The following GNAI2 variants were observed in gnomAD, a reference collection of about 807,000 sequenced individuals.
GNAI2 encodes the protein G protein subunit alpha i2.
In GNAI2, 4 loss-of-function variants were observed where a neutral mutation model predicts 36.8. The ratio of observed to expected loss-of-function variants is 0.11; its 90% CI spans 0.05 to 0.25. The LOEUF (loss-of-function observed/expected upper bound fraction) is 0.25. GNAI2 is among the 10% of genes least tolerant of loss of function. The pLI is 1.00. For synonymous variants in GNAI2, 194 were observed against 194.1 expected, an observed-to-expected ratio of 1.00 and a Z score of 0.01; for missense variants, 230 against 481.3, an observed-to-expected ratio of 0.48 and a Z score of 4.89.
rs1700179647 is a variant in GNAI2, at chr3:50,236,720, G to T, written c.118+267G>T. ...ACACCCGCGGTCCAGTGCCCTGCTT[G>T]GCCATCCCCCCTTGCTAACTAGCTT... On this transcript the variant is annotated intron_variant, in intron 1 of 8. Transcript: ENST00000313601. This position sits in a 1 kb window ranked among gnomAD's most constrained non-coding sequence, Gnocchi z 4.0. Among the ~76,000 whole-genome samples the T allele has an allele frequency of 6.6e-6, 1 of 151,872 alleles. No individual in the cohort carries two copies. The highest frequency in any genetic ancestry group is 1.5e-5 in the Non-Finnish European group (1 of 67,992).
intron 1 of GNAI2, among the ~76,000 whole-genome samples, chr3:50,251,094 A>G (rs1700547023): frequency 6.6e-6 from 1 of 152,108 alleles, no homozygotes; most frequent in Admixed American, 6.6e-5. Flanking sequence ...TACAGGCATG[A>G]GCCACCACTC....
rs2109223624 is a variant in GNAI2, at chr3:50,258,429, C to T, written c.*86C>T. 1 of 157,190 alleles carries T rather than the reference C, an allele frequency of 6.4e-6. No individual in the cohort carries two copies. Among genetic ancestry groups the T allele is most frequent in the African/African-American group, 2.4e-5 (1 of 41,560 alleles). The allele number at this position is 157,190 out of a possible 1,614,324, so 9.7% of individuals were successfully genotyped here. On this transcript the variant is annotated 3_prime_UTR_variant, in exon 9 of 9. Coordinates refer to ENST00000313601, the MANE Select transcript of GNAI2 (RefSeq NM_002070.4). ...AAGATGGGGGCAAGAAGATCACGCT[C>T]CCCGCCTGTTCCCCCGCCGCTTTTC...
Position 50,242,376 on chromosome 3 carries a change from C to G in GNAI2, c.118+5923C>G, listed in dbSNP as rs143285826. ...CAGGAATCCCAGCCTAGGAGTTGAG[C>G]GAGGAGGGGAAGGGGTCAGCAGGTT... On this transcript the variant is annotated intron_variant, in intron 1 of 8. Coordinates refer to ENST00000313601, the MANE Select transcript of GNAI2 (RefSeq NM_002070.4). This position sits in a 1 kb window ranked among gnomAD's most constrained non-coding sequence, Gnocchi z 4.8. Among the ~76,000 whole-genome samples, 1 of 152,248 alleles carries G rather than the reference C, an allele frequency of 6.6e-6. No homozygotes were observed. Among genetic ancestry groups the G allele is most frequent in the East Asian group, 1.9e-4 (1 of 5,174 alleles).
chr3:50,236,700 C>A lies in GNAI2; in HGVS notation c.118+247C>A, dbSNP rs587614626. Among the ~76,000 whole-genome samples the A allele has an allele frequency of 6.6e-6, 1 of 152,038 alleles. No individual in the cohort carries two copies. Among genetic ancestry groups the A allele is most frequent in the Non-Finnish European group, 1.5e-5 (1 of 68,016 alleles). On this transcript the variant is annotated intron_variant, in intron 1 of 8. Transcript: ENST00000313601. The surrounding 1 kb of genome is among the most constrained non-coding windows in gnomAD (Gnocchi z 4.0). ...ATCCAGTCAACAGTGCCCCAACACC[C>A]GCGGTCCAGTGCCCTGCTTGGCCAT...
chr3:50,237,874 GGCTGTGAAAAGCAGGGCTTTTCGT>G (rs1700215274), intron 1 of GNAI2, among the ~76,000 whole-genome samples: 1 of 152,244 alleles, frequency 6.6e-6, no homozygotes, highest in South Asian at 2.1e-4. Context: ...AGGGCTCCCA[GGCTGTGAAAAGCAGGGCTTTTCGT>G]GCTGGACCTG....
chr3:50,257,744 G>A (rs1700741137), intron 8 of GNAI2, 30 bp downstream of exon 8: 1 of 1,336,920 alleles, frequency 7.5e-7, no homozygotes, highest in Admixed American at 2.4e-5. Context: ...GCAGGGTGCT[G>A]GGGAAGAACT....
intron 5 of GNAI2, 163 bp from the exon 6 acceptor site, chr3:50,256,560 T>G (rs1700708502): frequency 5.0e-6 from 4 of 795,940 alleles, no homozygotes; most frequent in Non-Finnish European, 8.2e-6. Context: ...CTGTCCAAGC[T>G]CCTGGCCCAG....
At chr3:50,249,926 G>T (rs2109205383) in intron 1 of GNAI2, among the ~76,000 whole-genome samples, 1 of 152,322 alleles carries the variant, frequency 6.6e-6, no homozygotes, top group Non-Finnish European at 1.5e-5. Flanking sequence ...CGCTTGTTGA[G>T]CACTGCAGAC....
chr3:50,258,891 AGT>A lies in GNAI2; in HGVS notation c.*549_*550del. 1 of 439,994 alleles carries A rather than the reference AGT, an allele frequency of 2.3e-6. No homozygotes were observed. Among genetic ancestry groups the A allele is most frequent in the East Asian group, 8.0e-5 (1 of 12,528 alleles). 27.3% of individuals were successfully genotyped at this position (439,994 alleles called of 1,614,324 possible). On this transcript the variant is annotated 3_prime_UTR_variant, in exon 9 of 9. Transcript: ENST00000313601. Reference sequence around the variant, plus strand: ...TCTCGTAGCTTTTTAAAAAAATGAAAGTAAAGGAAAAAAAAAAAACTGCAAAT... The same window carrying A: ...TCTCGTAGCTTTTTAAAAAAATGAAAAAAGGAAAAAAAAAAAACTGCAAAT...
chr3:50,235,436 C>G (rs2109177926), upstream of GNAI2: 1 of 152,302 alleles, frequency 6.6e-6, no homozygotes, highest in Middle Eastern at 3.4e-3. Flanking sequence ...TCTCCCGCCT[C>G]AGCCTCCTGA....
rs782584118 is a variant in GNAI2 at position 50,252,480 on chromosome 3, T to G, written c.245T>G (p.Met82Arg). ...TACAGCAACACCATCCAGTCCATCA[T>G]GGCCATTGTCAAAGCCATGGGCAAC... ...VVYSNTIQSI[M>R]AIVKAMGNLQ... is the part of the protein sequence containing the mutation. Residue 82 changes from methionine to arginine, a missense_variant, in exon 3 of 9, where the codon ATG becomes AGG. Coordinates refer to ENST00000313601, the MANE Select transcript of GNAI2 (RefSeq NM_002070.4). This position sits in a 1 kb window ranked among gnomAD's most constrained non-coding sequence, Gnocchi z 4.1. 1 of 1,613,740 alleles carries G rather than the reference T, an allele frequency of 6.2e-7. No homozygotes were observed.
At chr3:50,258,282 T>C (rs1219635360) in intron 8 of GNAI2, 86 bp from the exon 9 acceptor site, 1 of 152,346 alleles carries the variant, frequency 6.6e-6, no homozygotes, top group African/African-American at 2.4e-5. Flanking sequence ...GTAGGAAAAA[T>C]AGAGAAGGGT....
rs1258229683 is a variant in GNAI2 at position 50,242,812 on chromosome 3, A to G, written c.118+6359A>G. ...TGGGGTCATCTCAGCCTTGTTGGGG[A>G]GAAGATATCCTTATGGCTTGGAGGA... On this transcript the variant is annotated intron_variant, in intron 1 of 8. Coordinates refer to ENST00000313601, the MANE Select transcript of GNAI2 (RefSeq NM_002070.4). The surrounding 1 kb of genome is among the most constrained non-coding windows in gnomAD (Gnocchi z 4.8). Among the ~76,000 whole-genome samples the G allele has an allele frequency of 6.6e-6, 1 of 152,228 alleles. No homozygotes were observed. Among genetic ancestry groups the G allele is most frequent in the Non-Finnish European group, 1.5e-5 (1 of 68,048 alleles).
In GNAI2 at chr3:50,253,898, G is replaced by A. The variant is rs1234551046; in HGVS notation, c.464+714G>A. Among the ~76,000 whole-genome samples, 2 of 152,182 alleles carry A rather than the reference G, an allele frequency of 1.3e-5. No individual in the cohort carries two copies. Among genetic ancestry groups the A allele is most frequent in the Non-Finnish European group, 2.9e-5 (2 of 68,020 alleles). ...AGCTCTGAAGGAGAGTCAGCCAGGGGAGGAGTGGATGAGGGGATTCCAGGC... is the reference window on the plus strand; with the variant it reads ...AGCTCTGAAGGAGAGTCAGCCAGGGAAGGAGTGGATGAGGGGATTCCAGGC... On this transcript the variant is annotated intron_variant, in intron 4 of 8. Transcript: ENST00000313601. This position sits in a 1 kb window ranked among gnomAD's most constrained non-coding sequence, Gnocchi z 4.2.
Position 50,252,243 on chromosome 3 carries a change from A to G in GNAI2, c.161+101A>G. On this transcript the variant is annotated intron_variant, in intron 2 of 8. Coordinates refer to ENST00000313601, the MANE Select transcript of GNAI2 (RefSeq NM_002070.4). The surrounding 1 kb of genome is among the most constrained non-coding windows in gnomAD (Gnocchi z 4.1). ...ACTACAGGCCCAGCCAGTCTTAGCC[A>G]GGCCCAGAATCTTCTGAGAAGCAGA... 1 of 1,430,046 alleles carries G rather than the reference A, an allele frequency of 7.0e-7. No homozygotes were observed. Among genetic ancestry groups the G allele is most frequent in the South Asian group, 1.2e-5 (1 of 85,666 alleles). 88.6% of individuals were successfully genotyped at this position (1,430,046 alleles called of 1,614,324 possible). A position where few individuals can be genotyped will look rare whatever the true frequency, so the allele number is the denominator to read the frequency against.
intron 1 of GNAI2, among the ~76,000 whole-genome samples, chr3:50,249,568 T>C (rs1553702170): frequency 6.6e-6 from 1 of 152,044 alleles, no homozygotes; most frequent in Non-Finnish European, 1.5e-5. Flanking sequence ...GCTAAAGCAA[T>C]AGAGGGGATT....
At position 50,253,885 on chromosome 3, in the gene GNAI2, G is replaced by A. The variant is rs1178144984; in HGVS notation, c.464+701G>A. ...GACAGGATTGCTGAGCTCTGAAGGA[G>A]AGTCAGCCAGGGGAGGAGTGGATGA... On this transcript the variant is annotated intron_variant, in intron 4 of 8. Transcript: ENST00000313601. This position sits in a 1 kb window ranked among gnomAD's most constrained non-coding sequence, Gnocchi z 4.2. Among the ~76,000 whole-genome samples, 1 of 152,156 alleles carries A rather than the reference G, an allele frequency of 6.6e-6. No individual in the cohort carries two copies. The highest frequency in any genetic ancestry group is 2.1e-4 in the South Asian group (1 of 4,826).
chr3:50,227,079 T>C (rs1385984028), upstream of GNAI2: 2 of 1,221,332 alleles, frequency 1.6e-6, no homozygotes, highest in Non-Finnish European at 2.1e-6. The surrounding 1 kb of genome is among the most constrained non-coding windows in gnomAD (Gnocchi z 5.9). Flanking sequence ...CATCACCGTC[T>C]AATCTCTGCT....
chr3:50,229,539 G>A (rs1409595130), upstream of GNAI2: 1 of 152,336 alleles, frequency 6.6e-6, no homozygotes. Context: ...TGTGTGGCTT[G>A]TTCCTCCATG....
Sources: allele counts gnomAD v4.1 joint callset (sites outside exome capture counted in the v4.1 genomes callset), GRCh38; gene constraint gnomAD v4.1.1; non-coding constraint Gnocchi (gnomAD v3.1); transcripts MANE v1.5; gene names NCBI Gene and HGNC (gene_info 2026-07-23, HGNC 2026-07-21).